Variants in SPTAN1 observed in about 807,000 individuals in gnomAD.
The protein encoded by SPTAN1 is spectrin alpha, non-erythrocytic 1.
SPTAN1 carries 61 observed loss-of-function variants against 331.3 expected under a neutral mutation model. The ratio of observed to expected loss-of-function variants is 0.18; its 90% CI spans 0.15 to 0.23. The LOEUF (loss-of-function observed/expected upper bound fraction) is 0.23, where lower values mean the gene tolerates loss of function less well. Ranked by LOEUF, SPTAN1 falls within the 10% of genes least tolerant of loss-of-function variation. SPTAN1 has a pLI of 1.00. For synonymous variants in SPTAN1, 1,153 were observed against 1,173.9 expected (o/e 0.98, Z 0.36); for missense variants, 2,043 against 3,147.9 (o/e 0.65, Z 8.40).
intron 3 of SPTAN1, among the ~76,000 whole-genome samples, chr9:128,569,296 T>C (rs1274358780): frequency 6.6e-6 from 1 of 152,128 alleles, no homozygotes; most frequent in African/African-American, 2.4e-5. Flanking sequence ...GCTTGCTGTC[T>C]TGAATCTTGG....
At chr9:128,559,657 G>T (rs1166404921) in intron 1 of SPTAN1, among the ~76,000 whole-genome samples, 1 of 151,970 alleles carries the variant, frequency 6.6e-6, no homozygotes, top group East Asian at 1.9e-4. Context: ...GTTTCCTGAG[G>T]GTTGAGAACA....
intron 40 of SPTAN1, among the ~76,000 whole-genome samples, chr9:128,614,113 A>T (rs1451005740): frequency 6.6e-6 from 1 of 152,140 alleles, no homozygotes; most frequent in East Asian, 1.9e-4. Context: ...TGATTCGGGT[A>T]AGTGTGAATA....
intron 41 of SPTAN1, among the ~76,000 whole-genome samples, chr9:128,616,640 G>A (rs10988059): frequency 0.013 from 1,956 of 151,638 alleles, 50 homozygotes; most frequent in East Asian, 0.093. Context: ...GGTAGCAGGC[G>A]CCTGTGGTCC....
rs778017183 is a variant in SPTAN1, at chr9:128,632,979, AAG to A, written c.7308+27_7308+28del. 19 of 1,609,034 alleles carry A rather than the reference AAG, an allele frequency of 1.2e-5. 1 individual carries two copies. In the Admixed American group the frequency reaches 3.2e-4, roughly 27 times the overall value. ...AGGTATGGGCCTCAGGAGGTGGGTG[AAG>A]AGGTGTCCTTTGGAAAACTAAAGCC... is the stretch of plus-strand genomic sequence containing the variant. On this transcript the variant is annotated intron_variant, in intron 56 of 56. Coordinates refer to ENST00000372739, the MANE Select transcript of SPTAN1 (RefSeq NM_001130438.3).
chr9:128,573,864 C>T (rs1176437958), intron 3 of SPTAN1, among the ~76,000 whole-genome samples: 8 of 152,272 alleles, frequency 5.3e-5, no homozygotes, highest in Non-Finnish European at 1.0e-4. Flanking sequence ...AAGTGATTCT[C>T]CTGCCTCAGC....
In SPTAN1 at chr9:128,629,004, G is replaced by A. The variant is rs547919901; in HGVS notation, c.6707+1062G>A. 8 of 394,882 alleles carry A rather than the reference G, an allele frequency of 2.0e-5. No individual in the cohort carries two copies. Among genetic ancestry groups the A allele is most frequent in the South Asian group, 1.4e-4 (1 of 7,330 alleles). The allele number at this position is 394,882 out of a possible 1,614,324, so 24.5% of individuals were successfully genotyped here. Reference sequence around the variant, plus strand: ...CTGGGCCTGCTGCCTCCAGGTACCCGCCGGGCACCAGGTTGCCCTTGCCTG... The same window carrying A: ...CTGGGCCTGCTGCCTCCAGGTACCCACCGGGCACCAGGTTGCCCTTGCCTG... On this transcript the variant is annotated intron_variant, in intron 51 of 56. Transcript: ENST00000372739. The surrounding 1 kb of genome is among the most constrained non-coding windows in gnomAD (Gnocchi z 4.9).
chr9:128,607,736 G>A (rs757586939), intron 32 of SPTAN1, 33 bp downstream of exon 32: 96 of 1,610,864 alleles, frequency 6.0e-5, no homozygotes, highest in Admixed American at 1.0e-4. Context: ...TAGCAAAGAC[G>A]TGGCTGCTCT....
At chr9:128,628,502 G>A (rs551723819) in intron 51 of SPTAN1, 6 of 307,098 alleles carry the variant, frequency 2.0e-5, no homozygotes, top group East Asian at 8.2e-5. Flanking sequence ...AAATGCACCC[G>A]TTATGTGATA....
rs780641212 is a variant in SPTAN1, at chr9:128,605,439, T to C, written c.4008T>C (p.Gly1336=). The C allele has an allele frequency of 1.2e-6, 2 of 1,614,042 alleles. No homozygotes were observed. Among genetic ancestry groups the C allele is most frequent in the African/African-American group, 2.7e-5 (2 of 74,916 alleles). The change falls in exon 31 of 57, where the codon GGT becomes GGC. Residue 1336 remains glycine (G), a synonymous_variant. Coordinates refer to ENST00000372739, the MANE Select transcript of SPTAN1 (RefSeq NM_001130438.3). ...KRADQRKAKL[G]DSHDLQRFLS... The stretch of plus-strand genomic sequence containing the variant: ...CAGATCAGCGCAAGGCAAAGTTGGG[T>C]GACTCCCACGACCTGCAGCGCTTCC...
chr9:128,601,506 G>A (rs1855149412), intron 27 of SPTAN1: 1 of 152,058 alleles, frequency 6.6e-6, no homozygotes, highest in Non-Finnish European at 1.5e-5. Context: ...ACAGGTGGAT[G>A]AGCCCAGGAA....
In SPTAN1 at chr9:128,624,351, C is replaced by T. The variant is rs141474640; in HGVS notation, c.5856C>T (p.Ile1952=). 11 of 1,614,008 alleles carry T rather than the reference C, an allele frequency of 6.8e-6. No homozygotes were observed. In the African/African-American group the frequency reaches 1.5e-4, roughly 22 times the overall value. ...IKKNNHHEEN[I]SSKMKGLNGK... is the part of the protein sequence containing the mutation. The stretch of plus-strand genomic sequence containing the variant: ...AGAACAATCACCATGAGGAGAACAT[C>T]TCTTCAAAGATGAAGGGCCTGAACG... Residue 1952 remains isoleucine (I), a synonymous_variant, in exon 46 of 57, where the codon ATC becomes ATT. Transcript: ENST00000372739.
rs551683341 is a variant in SPTAN1, at chr9:128,587,653, C to T, written c.2826C>T (p.Tyr942=). The T allele has an allele frequency of 2.1e-5, 34 of 1,613,994 alleles. 1 individual carries two copies. The highest frequency in any genetic ancestry group is 1.8e-4 in the South Asian group (16 of 91,078). Residue 942 remains tyrosine, a synonymous_variant, in exon 20 of 57, where the codon TAC becomes TAT. Coordinates refer to ENST00000372739, the MANE Select transcript of SPTAN1 (RefSeq NM_001130438.3). ...CTTTGATGTCAGATCTCAGTGCCTA[C>T]GGCAGCAGCATCCAGGCTTTGCGAG... ...HEALMSDLSA[Y]GSSIQALREQ...
chr9:128,578,028 T>C, intron 8 of SPTAN1, 82 bp from the exon 9 acceptor site: 1 of 1,479,742 alleles, frequency 6.8e-7, no homozygotes, highest in East Asian at 2.3e-5. Flanking sequence ...TTTGAGAACA[T>C]AGAATTCAGA....
At position 128,633,557 on chromosome 9, in the gene SPTAN1, C is replaced by A; in HGVS notation, c.*223C>A. ...TGTCTTGAAGCAGCTGCCCTCATTC[C>A]GACTTCAGAAAATCGAAGCAGCTGG... On this transcript the variant is annotated 3_prime_UTR_variant, in exon 57 of 57. Coordinates refer to ENST00000372739, the MANE Select transcript of SPTAN1 (RefSeq NM_001130438.3). The A allele has an allele frequency of 1.9e-6, 2 of 1,061,038 alleles. No homozygotes were observed. Among genetic ancestry groups the A allele is most frequent in the Non-Finnish European group, 1.4e-6 (1 of 723,132 alleles). 65.7% of individuals were successfully genotyped at this position (1,061,038 alleles called of 1,614,324 possible). A position where few individuals can be genotyped will look rare whatever the true frequency, so the allele number is the denominator to read the frequency against.
intron 16 of SPTAN1, 102 bp downstream of exon 16, chr9:128,584,071 A>G: frequency 6.6e-7 from 1 of 1,515,600 alleles, no homozygotes; most frequent in Admixed American, 1.8e-5. Flanking sequence ...GGAGGGATGA[A>G]ATGTGTTGAT....
rs2297767 is a variant in SPTAN1 at position 128,575,023 on chromosome 9, C to T, written c.505-176C>T. On this transcript the variant is annotated intron_variant, in intron 4 of 56. Coordinates refer to ENST00000372739, the MANE Select transcript of SPTAN1 (RefSeq NM_001130438.3). ...CCTGGAGTCGCTGAGACAGAAATGCCGTGAACTCAACCTCTTAACTTTCTG... is the reference window on the plus strand; with the variant it reads ...CCTGGAGTCGCTGAGACAGAAATGCTGTGAACTCAACCTCTTAACTTTCTG... Among the ~76,000 whole-genome samples, 147,573 of 152,314 alleles carry T rather than the reference C, an allele frequency of 0.97. 71,643 individuals carry two copies. Among genetic ancestry groups the T allele is most frequent in the Non-Finnish European group, 1 (68,000 of 68,038 alleles).
intron 1 of SPTAN1, among the ~76,000 whole-genome samples, chr9:128,560,604 C>T (rs1363104451): frequency 6.1e-5 from 8 of 130,806 alleles, no homozygotes; most frequent in South Asian, 2.7e-4. Context: ...TGTTCTCAAA[C>T]TCCTGACCTC....
intron 1 of SPTAN1, among the ~76,000 whole-genome samples, chr9:128,560,890 C>T (rs573739962): frequency 6.6e-6 from 1 of 151,532 alleles, no homozygotes; most frequent in East Asian, 2.0e-4. Context: ...GTGGCGGGTG[C>T]CTGTAATCCC....
intron 49 of SPTAN1, chr9:128,626,927 G>A (rs1184423808): frequency 3.2e-6 from 2 of 629,150 alleles, no homozygotes; most frequent in East Asian, 3.0e-5. Context: ...TGATCCTCTT[G>A]CCTGAGCCTC....
Sources: allele counts gnomAD v4.1 joint callset (sites outside exome capture counted in the v4.1 genomes callset), GRCh38; gene constraint gnomAD v4.1.1; non-coding constraint Gnocchi (gnomAD v3.1); transcripts MANE v1.5; gene names NCBI Gene and HGNC (gene_info 2026-07-23, HGNC 2026-07-21).